The following RPN2 variants were observed in gnomAD, a reference collection of about 807,000 sequenced individuals.
The protein encoded by RPN2 is ribophorin II, also known as dolichyl-diphosphooligosaccharide--protein glycosyltransferase subunit 2.
Under a neutral mutation model 71.4 loss-of-function variants are expected in RPN2, and 29 were observed. The observed-to-expected ratio is 0.41, with a 90% CI of 0.30 to 0.55. The LOEUF (loss-of-function observed/expected upper bound fraction) is 0.55. Among genes scored for constraint, RPN2 ranks in the 20% least tolerant of loss-of-function variants. The pLI is 0.35. For missense variants in RPN2, 726 were observed against 774.1 expected, an observed-to-expected ratio of 0.94 and a Z score of 0.74; for synonymous variants, 308 against 305.0, an observed-to-expected ratio of 1.01 and a Z score of -0.10.
chr20:37,228,875 A>G, intron 12 of RPN2, 131 bp downstream of exon 12: 1 of 826,686 alleles, frequency 1.2e-6, no homozygotes, highest in Non-Finnish European at 2.0e-6. Flanking sequence ...TTGGGAGGTG[A>G]GGCACTGTGT....
At chr20:37,183,276 G>A (rs1449078716) in intron 1 of RPN2, among the ~76,000 whole-genome samples, 2 of 151,550 alleles carry the variant, frequency 1.3e-5, no homozygotes, top group African/African-American at 4.9e-5. Context: ...CAACAATGGC[G>A]CATTCTCAGC....
At chr20:37,226,330 C>T (rs2068076630) in intron 11 of RPN2, among the ~76,000 whole-genome samples, 1 of 152,108 alleles carries the variant, frequency 6.6e-6, no homozygotes, top group South Asian at 2.1e-4. Flanking sequence ...CCTCAGCCTC[C>T]CAAAGTGGTG....
chr20:37,223,365 A>G (rs2068004752), intron 9 of RPN2, among the ~76,000 whole-genome samples: 1 of 152,222 alleles, frequency 6.6e-6, no homozygotes, highest in Non-Finnish European at 1.5e-5. Flanking sequence ...TCACTTCCTC[A>G]CAGTCTGATT....
chr20:37,204,806 C>G lies in RPN2; in HGVS notation c.595C>G (p.Leu199Val). 1 of 1,614,148 alleles carries G rather than the reference C, an allele frequency of 6.2e-7. No individual in the cohort carries two copies. The highest frequency in any genetic ancestry group is 8.5e-7 in the Non-Finnish European group (1 of 1,180,028). The change falls in exon 6 of 17, where the codon CTC becomes GTC. Residue 199 changes from leucine (L) to valine (V), a missense_variant. Physicochemically the swap from Leu to Val is conservative, Grantham distance 32 (BLOSUM62 1). Coordinates refer to ENST00000237530, the MANE Select transcript of RPN2 (RefSeq NM_002951.5). ...CCTGGATGAACTCGGGGGCGTGTATCTCCAGTTTGAAGAAGGACTGGAAAC... is the reference window on the plus strand; with the variant it reads ...CCTGGATGAACTCGGGGGCGTGTATGTCCAGTTTGAAGAAGGACTGGAAAC... ...ARLDELGGVY[L>V]QFEEGLETTA... is the part of the protein sequence containing the mutation.
chr20:37,225,317 T>C (rs1433343349), intron 10 of RPN2, among the ~76,000 whole-genome samples: 4 of 152,226 alleles, frequency 2.6e-5, no homozygotes, highest in African/African-American at 9.6e-5. Flanking sequence ...CCTGTAATTA[T>C]TTCTCCTTGC....
intron 15 of RPN2, among the ~76,000 whole-genome samples, chr20:37,234,320 C>A (rs2068325950): frequency 6.6e-6 from 1 of 152,272 alleles, no homozygotes; most frequent in South Asian, 2.1e-4. Flanking sequence ...TACTGTGCCA[C>A]TGTTGGCAGA....
chr20:37,197,519 G>C (rs1237206237), intron 2 of RPN2, among the ~76,000 whole-genome samples: 9 of 152,220 alleles, frequency 5.9e-5, no homozygotes, highest in Admixed American at 5.9e-4. Context: ...CATGTTTCTG[G>C]TTTGGGTTGC....
rs1208712873 is a variant in RPN2, at chr20:37,210,037, T to G, written c.868-10T>G. On this transcript the variant is annotated splice_polypyrimidine_tract_variant and intron_variant, in intron 7 of 16. Transcript: ENST00000237530. ...TTTGTTGTAACAAATAATTTTTTAT[T>G]TATTTCCAGTTGCAAGTCACCAATG... The G allele has an allele frequency of 6.2e-7, 1 of 1,613,590 alleles. No individual in the cohort carries two copies. Among genetic ancestry groups the G allele is most frequent in the African/African-American group, 1.3e-5 (1 of 75,062 alleles).
Position 37,207,559 on chromosome 20 carries a change from C to G in RPN2, c.867+110C>G, listed in dbSNP as rs1194048839. 9 of 1,027,234 alleles carry G rather than the reference C, an allele frequency of 8.8e-6. No individual in the cohort carries two copies. The South Asian group carries it at 1.0e-4, about 12-fold the overall frequency. The allele number at this position is 1,027,234 out of a possible 1,614,324, so 63.6% of individuals were successfully genotyped here. On this transcript the variant is annotated intron_variant, in intron 7 of 16. Coordinates refer to ENST00000237530, the MANE Select transcript of RPN2 (RefSeq NM_002951.5). Reference sequence around the variant, plus strand: ...AATTACAGCCCCTACAAGGACATACCCATTAAATGGAGGGCAAGGCTCATT... The same window carrying G: ...AATTACAGCCCCTACAAGGACATACGCATTAAATGGAGGGCAAGGCTCATT...
chr20:37,188,726 T>G (rs2067070862), intron 2 of RPN2, among the ~76,000 whole-genome samples: 1 of 151,700 alleles, frequency 6.6e-6, no homozygotes, highest in African/African-American at 2.4e-5. Flanking sequence ...CAGGTGATCC[T>G]TCACCTCTGC....
intron 6 of RPN2, among the ~76,000 whole-genome samples, chr20:37,205,832 G>A (rs1462585685): frequency 1.3e-5 from 2 of 152,168 alleles, no homozygotes; most frequent in African/African-American, 4.8e-5. Flanking sequence ...ATTGTTTGCT[G>A]ATTGTCCTAT....
chr20:37,238,516 G>A, intron 16 of RPN2: 1 of 1,100,780 alleles, frequency 9.1e-7, no homozygotes. Context: ...CCTCATGCAT[G>A]TCAGTTATCT....
At chr20:37,199,741 A>G (rs933138518) in intron 4 of RPN2, among the ~76,000 whole-genome samples, 3 of 152,214 alleles carry the variant, frequency 2.0e-5, no homozygotes, top group Non-Finnish European at 2.9e-5. Context: ...GGCTTAGGTG[A>G]AGGAGAAGCA....
At position 37,207,287 on chromosome 20, in the gene RPN2, G is replaced by T; in HGVS notation, c.705G>T (p.Gln235His). The T allele has an allele frequency of 6.2e-7, 1 of 1,613,858 alleles. No individual in the cohort carries two copies. The highest frequency in any genetic ancestry group is 8.5e-7 in the Non-Finnish European group (1 of 1,179,720). Residue 235 changes from glutamine to histidine, a missense_variant, in exon 7 of 17, where the codon CAG becomes CAT. Gln to His is a conservative substitution (Grantham distance 24). Coordinates refer to ENST00000237530, the MANE Select transcript of RPN2 (RefSeq NM_002951.5). The stretch of plus-strand genomic sequence containing the variant: ...ATTTCTTTCAGGATCAGGTCATCCA[G>T]CTGATGAACGCGATCTTCAGCAAGA... ...EPSIKEDQVI[Q>H]LMNAIFSKKN...
chr20:37,195,639 A>C (rs1469766338), intron 2 of RPN2, among the ~76,000 whole-genome samples: 2 of 152,218 alleles, frequency 1.3e-5, no homozygotes, highest in Non-Finnish European at 2.9e-5. Context: ...GACACATTTT[A>C]AGTGCTCAGA....
Position 37,213,879 on chromosome 20 carries a change from T to G in RPN2, c.1092+14T>G, listed in dbSNP as rs368795461. On this transcript the variant is annotated intron_variant, in intron 9 of 16. Coordinates refer to ENST00000237530, the MANE Select transcript of RPN2 (RefSeq NM_002951.5). ...AATACCGTAGAGGTAGGTGTTTTTC[T>G]TTCCTTCCCATTGCCATGTTAGTAT... The G allele has an allele frequency of 6.3e-7, 1 of 1,581,272 alleles. No individual in the cohort carries two copies. Among genetic ancestry groups the G allele is most frequent in the African/African-American group, 1.3e-5 (1 of 74,386 alleles).
chr20:37,193,156 C>T (rs1047508326), intron 2 of RPN2, among the ~76,000 whole-genome samples: 20 of 152,160 alleles, frequency 1.3e-4, no homozygotes, highest in Admixed American at 4.6e-4. Context: ...ACCCCAAACC[C>T]AAAACTCAAA....
At chr20:37,179,590 G>A in intron 1 of RPN2, 1 of 1,223,456 alleles carries the variant, frequency 8.2e-7, no homozygotes, top group Non-Finnish European at 1.1e-6. Context: ...GAGGGGTGCA[G>A]CGCGGAGCTA....
At chr20:37,203,487 C>G (rs2067441491) in intron 4 of RPN2, among the ~76,000 whole-genome samples, 1 of 151,788 alleles carries the variant, frequency 6.6e-6, no homozygotes, top group Non-Finnish European at 1.5e-5. Flanking sequence ...ACTACAAGCA[C>G]ACGCTACCAT....
Sources: allele counts gnomAD v4.1 joint callset (sites outside exome capture counted in the v4.1 genomes callset), GRCh38; gene constraint gnomAD v4.1.1; transcripts MANE v1.5; gene names NCBI Gene and HGNC (gene_info 2026-07-23, HGNC 2026-07-21).